Variants in WEE1 observed in about 807,000 individuals in gnomAD.
The protein encoded by WEE1 is WEE1 G2 checkpoint kinase, also known as wee1-like protein kinase.
In WEE1, 16 loss-of-function variants were observed where a neutral mutation model predicts 68.8. That is an observed-to-expected ratio of 0.23 (90% confidence interval 0.16 to 0.35). The LOEUF (loss-of-function observed/expected upper bound fraction) is 0.35, where lower values mean the gene tolerates loss of function less well. Ranked by LOEUF, WEE1 falls within the 10% of genes least tolerant of loss-of-function variation. The pLI is 1.00. For synonymous variants in WEE1, 349 were observed against 318.7 expected (o/e 1.09, Z -1.01); for missense variants, 651 against 824.1 (o/e 0.79, Z 2.57).
At position 9,574,646 on chromosome 11, in the gene WEE1, C is replaced by A; in HGVS notation, c.576+137C>A. 9.0e-7 allele frequency: 1 copy of A among 1,117,036 alleles called. No individual in the cohort carries two copies. Among genetic ancestry groups the A allele is most frequent in the African/African-American group, 1.7e-5 (1 of 60,522 alleles). 69.2% of individuals were successfully genotyped at this position (1,117,036 alleles called of 1,614,324 possible). ...CTGCGCCGCCCCCCAAAGTTGGCAG[C>A]CCTTGTGTTTGGCCCTGCCCCGAGG... On this transcript the variant is annotated intron_variant, in intron 1 of 10. Transcript: ENST00000450114. The surrounding 1 kb of genome is among the most constrained non-coding windows in gnomAD (Gnocchi z 4.9).
At chr11:9,577,114 C>T (rs1849573069) in intron 4 of WEE1, 28 bp from the exon 5 acceptor site, 3 of 1,581,712 alleles carry the variant, frequency 1.9e-6, no homozygotes, top group African/African-American at 1.4e-5. Context: ...AATTATTTAC[C>T]ATTCTATTAA....
At chr11:9,580,648 G>C (rs1166644053) in intron 5 of WEE1, 1 of 151,872 alleles carries the variant, frequency 6.6e-6, no homozygotes, top group Non-Finnish European at 1.5e-5. Context: ...AGTAGAAACG[G>C]GGTTTCGCCA....
chr11:9,586,097 A>G (rs1016418978), intron 8 of WEE1, among the ~76,000 whole-genome samples: 1 of 152,196 alleles, frequency 6.6e-6, no homozygotes, highest in Non-Finnish European at 1.5e-5. Context: ...TTTATCACGT[A>G]TATGTGTATT....
chr11:9,577,974 T>C (rs988166373), intron 5 of WEE1: 1 of 447,986 alleles, frequency 2.2e-6, no homozygotes, highest in African/African-American at 2.0e-5. Context: ...GAATTCTGGT[T>C]CTTATGGACG....
intron 6 of WEE1, among the ~76,000 whole-genome samples, chr11:9,583,828 T>C (rs185316923): frequency 3.5e-4 from 13 of 36,914 alleles, no homozygotes; most frequent in African/African-American, 5.6e-4. Context: ...TATATATATA[T>C]ATATATATAT....
chr11:9,576,741 A>T lies in WEE1; in HGVS notation c.1019+82A>T. 1.4e-6 allele frequency: 2 copies of T among 1,394,720 alleles called. No individual in the cohort carries two copies. Among genetic ancestry groups the T allele is most frequent in the East Asian group, 4.7e-5 (2 of 42,928 alleles). The allele number at this position is 1,394,720 out of a possible 1,614,324, so 86.4% of individuals were successfully genotyped here. On this transcript the variant is annotated intron_variant, in intron 4 of 10. Coordinates refer to ENST00000450114, the MANE Select transcript of WEE1 (RefSeq NM_003390.4). The surrounding 1 kb of genome is among the most constrained non-coding windows in gnomAD (Gnocchi z 4.3). ...TAAGGTTTCAGCTGGTCAAACACTGAATTCCATCTCTAACTTTTGAGAAGC... is the reference window on the plus strand; with the variant it reads ...TAAGGTTTCAGCTGGTCAAACACTGTATTCCATCTCTAACTTTTGAGAAGC...
At chr11:9,586,934 C>T in intron 10 of WEE1, 78 bp downstream of exon 10, 2 of 1,451,706 alleles carry the variant, frequency 1.4e-6, no homozygotes, top group Non-Finnish European at 1.9e-6. Context: ...ATGATTTAAG[C>T]TTTCTGTCAA....
At position 9,581,519 on chromosome 11, in the gene WEE1, C is replaced by G. The variant is rs1261632729; in HGVS notation, c.1142-13C>G. On this transcript the variant is annotated splice_polypyrimidine_tract_variant and intron_variant, in intron 5 of 10. Coordinates refer to ENST00000450114, the MANE Select transcript of WEE1 (RefSeq NM_003390.4). ...AGAAAGAAGAAAATGCTAATATTTTCTATCTTTGTTAGGTGGAAGTTTAGC... is the reference window on the plus strand; with the variant it reads ...AGAAAGAAGAAAATGCTAATATTTTGTATCTTTGTTAGGTGGAAGTTTAGC... The G allele has an allele frequency of 6.3e-7, 1 of 1,576,546 alleles. No individual in the cohort carries two copies. The highest frequency in any genetic ancestry group is 8.6e-7 in the Non-Finnish European group (1 of 1,167,700).
chr11:9,574,704 G>T lies in WEE1; in HGVS notation c.576+195G>T, dbSNP rs1849544572. On this transcript the variant is annotated intron_variant, in intron 1 of 10. Transcript: ENST00000450114. This position sits in a 1 kb window ranked among gnomAD's most constrained non-coding sequence, Gnocchi z 4.9. ...TTGAGATTATGTAACTGAACAATGGGCCTCGTCTGGAACTTCATCTTACAA... is the reference window on the plus strand; with the variant it reads ...TTGAGATTATGTAACTGAACAATGGTCCTCGTCTGGAACTTCATCTTACAA... 3.6e-5 allele frequency: 39 copies of T among 1,078,178 alleles called. No individual in the cohort carries two copies. Among genetic ancestry groups the T allele is most frequent in the Non-Finnish European group, 4.3e-5 (38 of 890,970 alleles). 66.8% of individuals were successfully genotyped at this position (1,078,178 alleles called of 1,614,324 possible).
At position 9,574,958 on chromosome 11, in the gene WEE1, G is replaced by T; in HGVS notation, c.576+449G>T. 4.1e-6 allele frequency: 4 copies of T among 985,662 alleles called. No individual in the cohort carries two copies. Among genetic ancestry groups the T allele is most frequent in the Non-Finnish European group, 4.8e-6 (4 of 830,122 alleles). The allele number at this position is 985,662 out of a possible 1,614,324, so 61.1% of individuals were successfully genotyped here. A position where few individuals can be genotyped will look rare whatever the true frequency, so the allele number is the denominator to read the frequency against. On this transcript the variant is annotated intron_variant, in intron 1 of 10. Coordinates refer to ENST00000450114, the MANE Select transcript of WEE1 (RefSeq NM_003390.4). This position sits in a 1 kb window ranked among gnomAD's most constrained non-coding sequence, Gnocchi z 4.9. ...AGAAGGAGTTTAAAGAAAAATAATT[G>T]TCCCGCCCTGATCGTGTCGTGTCGT...
chr11:9,578,935 C>G (rs963073138), intron 5 of WEE1: 3 of 131,810 alleles, frequency 2.3e-5, no homozygotes, highest in Non-Finnish European at 5.0e-5. Flanking sequence ...GAGACAGAGC[C>G]TTGCTCTGTC....
At position 9,574,251 on chromosome 11, in the gene WEE1, C is replaced by A; in HGVS notation, c.318C>A (p.Gly106=). The A allele has an allele frequency of 8.3e-7, 1 of 1,205,308 alleles. No homozygotes were observed. Among genetic ancestry groups the A allele is most frequent in the Non-Finnish European group, 1.0e-6 (1 of 969,192 alleles). 74.7% of individuals were successfully genotyped at this position (1,205,308 alleles called of 1,614,324 possible). A position where few individuals can be genotyped will look rare whatever the true frequency, so the allele number is the denominator to read the frequency against. ...PGACPGADEA[G]GGAEGDSWEE... The stretch of plus-strand genomic sequence containing the variant: ...CCTGCCCGGGCGCGGACGAGGCGGG[C>A]GGTGGGGCGGAGGGCGACTCGTGGG... Residue 106 remains glycine (G), a synonymous_variant, in exon 1 of 11, where the codon GGC becomes GGA. Transcript: ENST00000450114. This position sits in a 1 kb window ranked among gnomAD's most constrained non-coding sequence, Gnocchi z 4.9.
chr11:9,574,291 G>T lies in WEE1; in HGVS notation c.358G>T (p.Gly120Cys). ...CGACTCGTGGGAGGAGGAGGGCTTC[G>T]GCTCCTCGTCGCCGGTCAAGTCGCC... The part of the protein sequence containing the change: ...EGDSWEEEGF[G>C]SSSPVKSPAA... The change falls in exon 1 of 11, where the codon GGC becomes TGC. Residue 120 changes from glycine (G) to cysteine (C), a missense_variant. Physicochemically the swap from Gly to Cys is radical, Grantham distance 159 (BLOSUM62 -3). Around this residue, in one of 5 missense-constraint regions of WEE1, gnomAD observed 395 missense variants for 378.4 expected, o/e 1.04. Coordinates refer to ENST00000450114, the MANE Select transcript of WEE1 (RefSeq NM_003390.4). The surrounding 1 kb of genome is among the most constrained non-coding windows in gnomAD (Gnocchi z 4.9). The T allele has an allele frequency of 8.0e-7, 1 of 1,257,588 alleles. No individual in the cohort carries two copies. Among genetic ancestry groups the T allele is most frequent in the East Asian group, 3.3e-5 (1 of 30,390 alleles). The allele number at this position is 1,257,588 out of a possible 1,614,324, so 77.9% of individuals were successfully genotyped here. A position where few individuals can be genotyped will look rare whatever the true frequency, so the allele number is the denominator to read the frequency against.
Position 9,574,305 on chromosome 11 carries a change from G to A in WEE1, c.372G>A (p.Pro124=), listed in dbSNP as rs751846658. ...AGGAGGGCTTCGGCTCCTCGTCGCCGGTCAAGTCGCCGGCGGCCCCCTACT... is the reference window on the plus strand; with the variant it reads ...AGGAGGGCTTCGGCTCCTCGTCGCCAGTCAAGTCGCCGGCGGCCCCCTACT... The part of the protein sequence containing the change: ...WEEEGFGSSS[P]VKSPAAPYFL... Residue 124 remains proline (P), a synonymous_variant, in exon 1 of 11, where the codon CCG becomes CCA. Transcript: ENST00000450114. This position sits in a 1 kb window ranked among gnomAD's most constrained non-coding sequence, Gnocchi z 4.9. 9.5e-6 allele frequency: 12 copies of A among 1,266,338 alleles called. No individual in the cohort carries two copies. The highest frequency in any genetic ancestry group is 7.8e-5 in the African/African-American group (5 of 64,052). 78.4% of individuals were successfully genotyped at this position (1,266,338 alleles called of 1,614,324 possible).
In WEE1 at chr11:9,585,506, T is replaced by G; in HGVS notation, c.1449T>G (p.Leu483=). The part of the protein sequence containing the change: ...PQVEEGDSRF[L]ANEVLQENYT... The stretch of plus-strand genomic sequence containing the variant: ...TTGAAGAGGGCGATAGTCGTTTTCT[T>G]GCAAATGAAGTTTTACAGGAGGTAA... The change falls in exon 8 of 11, where the codon CTT becomes CTG. Residue 483 remains leucine (L), a synonymous_variant. Transcript: ENST00000450114. 6.3e-7 allele frequency: 1 copy of G among 1,594,470 alleles called. No homozygotes were observed. The highest frequency in any genetic ancestry group is 8.5e-7 in the Non-Finnish European group (1 of 1,175,026).
At position 9,583,739 on chromosome 11, in the gene WEE1, G is replaced by A. The variant is rs180854383; in HGVS notation, c.1289-1519G>A. ...TAAATTTAATACTAAATATTTGTGC[G>A]TGTGTGTGCGTGCACGCGCGCGCAC... On this transcript the variant is annotated intron_variant, in intron 6 of 10. Transcript: ENST00000450114. 3.6e-4 allele frequency among the ~76,000 whole-genome samples: 43 copies of A among 120,766 alleles called. 1 individual carries two copies. Among genetic ancestry groups the A allele is most frequent in the Non-Finnish European group, 5.8e-4 (33 of 56,838 alleles). The allele number at this position is 120,766 out of a possible 152,430, so 79.2% of individuals were successfully genotyped here.
rs1026213116 is a variant in WEE1, at chr11:9,575,143, T to C, written c.576+634T>C. 6 of 985,442 alleles carry C rather than the reference T, an allele frequency of 6.1e-6. No homozygotes were observed. The African/African-American group carries it at 1.0e-4, about 17-fold the overall frequency. The allele number at this position is 985,442 out of a possible 1,614,324, so 61.0% of individuals were successfully genotyped here. ...GACAAGGTCTTGGCCCAGCATTTGT[T>C]TTTATCGTGGGTTTGCGGTGCCCAG... On this transcript the variant is annotated intron_variant, in intron 1 of 10. Coordinates refer to ENST00000450114, the MANE Select transcript of WEE1 (RefSeq NM_003390.4).
chr11:9,577,082 A>T (rs1849572693), intron 4 of WEE1, 60 bp from the exon 5 acceptor site: 1 of 1,521,870 alleles, frequency 6.6e-7, no homozygotes. Context: ...AGATAAATTA[A>T]TTCAGTTTAA....
intron 6 of WEE1, among the ~76,000 whole-genome samples, chr11:9,583,300 G>A (rs567434546): frequency 6.7e-6 from 1 of 150,290 alleles, no homozygotes; most frequent in South Asian, 2.1e-4. Flanking sequence ...GCAACAAAGT[G>A]AGACTCCGTC....
Sources: allele counts gnomAD v4.1 joint callset (sites outside exome capture counted in the v4.1 genomes callset), GRCh38; gene constraint gnomAD v4.1.1; regional missense constraint gnomAD v4.1.1; non-coding constraint Gnocchi (gnomAD v3.1); transcripts MANE v1.5; gene names NCBI Gene and HGNC (gene_info 2026-07-23, HGNC 2026-07-21).